DLGAP1: variants seen among roughly 807,000 people sequenced by gnomAD.
DLGAP1 encodes disks large-associated protein 1.
A neutral mutation model predicts 90.8 loss-of-function variants in DLGAP1; 11 were observed. The observed-to-expected ratio is 0.12, with a 90% CI of 0.08 to 0.20. The LOEUF is 0.20. Among genes scored for constraint, DLGAP1 ranks in the 10% least tolerant of loss-of-function variants. The probability of loss-of-function intolerance (pLI) is 1.00; values close to 1 mark genes in which losing one functional copy is unlikely to be tolerated. For missense variants in DLGAP1, 1,050 were observed against 1,333.8 expected (o/e 0.79, Z 3.31); for synonymous variants, 558 against 540.7 (o/e 1.03, Z -0.44).
At chr18:3,930,401 C>T (rs2072489889) in intron 3 of DLGAP1, among the ~76,000 whole-genome samples, 2 of 152,170 alleles carry the variant, frequency 1.3e-5, no homozygotes, top group Non-Finnish European at 2.9e-5. Context: ...ATCATCACTC[C>T]TATTTCTTGA....
chr18:3,571,789 G>A (rs1282202261), intron 8 of DLGAP1, among the ~76,000 whole-genome samples: 1 of 152,144 alleles, frequency 6.6e-6, no homozygotes, highest in Non-Finnish European at 1.5e-5. Context: ...GCCTCCCAAA[G>A]TGCTGGGATT....
intron 3 of DLGAP1, among the ~76,000 whole-genome samples, chr18:3,915,941 T>G (rs1372608098): frequency 6.6e-6 from 1 of 152,078 alleles, no homozygotes; most frequent in Non-Finnish European, 1.5e-5. Context: ...TTCTATAAAG[T>G]AAAAGTCAAT....
intron 1 of DLGAP1, among the ~76,000 whole-genome samples, chr18:4,173,419 G>C (rs987424428): frequency 1.3e-5 from 2 of 152,092 alleles, no homozygotes; most frequent in Non-Finnish European, 2.9e-5. Flanking sequence ...CTTTATGATC[G>C]GTAGAGACGA....
intron 5 of DLGAP1, among the ~76,000 whole-genome samples, chr18:3,813,406 C>T (rs1203366155): frequency 6.6e-6 from 1 of 152,150 alleles, no homozygotes; most frequent in African/African-American, 2.4e-5. Flanking sequence ...TGTAAGTGTA[C>T]TCTATGATGT....
At chr18:3,974,662 G>A (rs756891352) in intron 3 of DLGAP1, among the ~76,000 whole-genome samples, 4 of 152,068 alleles carry the variant, frequency 2.6e-5, no homozygotes, top group Non-Finnish European at 5.9e-5. Flanking sequence ...TATTAATCAG[G>A]TAAATGGGAG....
intron 1 of DLGAP1, among the ~76,000 whole-genome samples, chr18:4,449,136 T>C (rs2083749604): frequency 6.6e-6 from 1 of 152,096 alleles, no homozygotes; most frequent in African/African-American, 2.4e-5. Context: ...GAACTCAATG[T>C]AAGAGGTGAG....
intron 4 of DLGAP1, among the ~76,000 whole-genome samples, chr18:3,816,658 T>A (rs2067120304): frequency 6.6e-6 from 1 of 152,178 alleles, no homozygotes; most frequent in Non-Finnish European, 1.5e-5. Flanking sequence ...GCTCATTTGA[T>A]CCACACAGCG....
At chr18:3,694,454 T>A (rs1455717747) in intron 7 of DLGAP1, among the ~76,000 whole-genome samples, 3 of 151,402 alleles carry the variant, frequency 2.0e-5, no homozygotes, top group Non-Finnish European at 4.4e-5. Context: ...TCCTTGAGGA[T>A]CTACACTGTC....
chr18:3,821,431 C>G (rs1404213350), intron 4 of DLGAP1, among the ~76,000 whole-genome samples: 2 of 59,978 alleles, frequency 3.3e-5, no homozygotes, highest in East Asian at 1.1e-3. Flanking sequence ...AGTGAATGAA[C>G]CAATAAACTA....
chr18:3,814,517 A>G (rs1376970625), intron 4 of DLGAP1, among the ~76,000 whole-genome samples: 1 of 151,742 alleles, frequency 6.6e-6, no homozygotes, highest in African/African-American at 2.4e-5. Flanking sequence ...ACCTGCCACC[A>G]CGCCTGGCTA....
intron 1 of DLGAP1, among the ~76,000 whole-genome samples, chr18:4,321,158 A>G (rs1029914451): frequency 6.6e-6 from 1 of 152,096 alleles, no homozygotes; most frequent in African/African-American, 2.4e-5. Flanking sequence ...GAGATGAGAG[A>G]CTCCTGGATA....
At chr18:3,679,283 T>C (rs1400195906) in intron 7 of DLGAP1, among the ~76,000 whole-genome samples, 1 of 151,440 alleles carries the variant, frequency 6.6e-6, no homozygotes, top group African/African-American at 2.4e-5. Flanking sequence ...TCCTTAATTC[T>C]GTACTAGTTG....
At chr18:3,777,930 T>C (rs1475986896) in intron 5 of DLGAP1, among the ~76,000 whole-genome samples, 1 of 151,994 alleles carries the variant, frequency 6.6e-6, no homozygotes, top group African/African-American at 2.4e-5. Flanking sequence ...GGATGTGTAG[T>C]GTGTGTGTGT....
Position 3,729,380 on chromosome 18 carries a change from G to C in DLGAP1, c.1351-5C>G. ...GTTCACTTCCATCTCGCTCACCTGC[G>C]GGCAGACACAGGCGTTGTGACACTC... On this transcript the variant is annotated splice_region_variant and splice_polypyrimidine_tract_variant and intron_variant, in intron 6 of 12. Transcript: ENST00000315677. This position sits in a 1 kb window ranked among gnomAD's most constrained non-coding sequence, Gnocchi z 6.2. 6.2e-7 allele frequency: 1 copy of C among 1,608,398 alleles called. No individual in the cohort carries two copies. Among genetic ancestry groups the C allele is most frequent in the Non-Finnish European group, 8.5e-7 (1 of 1,175,594 alleles).
At chr18:4,073,819 T>G (rs2075485794) in intron 2 of DLGAP1, among the ~76,000 whole-genome samples, 1 of 152,176 alleles carries the variant, frequency 6.6e-6, no homozygotes, top group South Asian at 2.1e-4. Context: ...GAAAGTCAGA[T>G]TATTCATAGT....
intron 1 of DLGAP1, among the ~76,000 whole-genome samples, chr18:4,158,492 A>G (rs1308848247): frequency 2.6e-5 from 4 of 152,172 alleles, no homozygotes; most frequent in Admixed American, 6.5e-5. Flanking sequence ...GAACTGGCAC[A>G]CAACTAGCAT....
chr18:3,608,734 A>G (rs1393313488), intron 7 of DLGAP1, among the ~76,000 whole-genome samples: 1 of 152,220 alleles, frequency 6.6e-6, no homozygotes, highest in Non-Finnish European at 1.5e-5. Context: ...CTATACCCAG[A>G]GGCGAAGAAG....
chr18:3,980,277 C>T (rs2149028869), intron 3 of DLGAP1, among the ~76,000 whole-genome samples: 1 of 152,300 alleles, frequency 6.6e-6, no homozygotes, highest in South Asian at 2.1e-4. Flanking sequence ...GGAGGCAGAA[C>T]CTACGGCCTC....
At chr18:4,444,457 C>G (rs1260167312) in intron 1 of DLGAP1, among the ~76,000 whole-genome samples, 1 of 152,104 alleles carries the variant, frequency 6.6e-6, no homozygotes. Context: ...GACTATGAGC[C>G]TCTACTCATT....
Sources: allele counts gnomAD v4.1 joint callset (sites outside exome capture counted in the v4.1 genomes callset), GRCh38; gene constraint gnomAD v4.1.1; non-coding constraint Gnocchi (gnomAD v3.1); transcripts MANE v1.5; gene names NCBI Gene and HGNC (gene_info 2026-07-23, HGNC 2026-07-21).